The following RALYL variants were observed in gnomAD, a reference collection of about 807,000 sequenced individuals.
The protein encoded by RALYL is RNA-binding Raly-like protein.
In RALYL, 29 loss-of-function variants were observed where a neutral mutation model predicts 35.1. The observed-to-expected ratio is 0.83, with a 90% CI of 0.61 to 1.13. RALYL has a LOEUF of 1.13. Among genes scored for constraint, RALYL ranks in the 50% most tolerant of loss-of-function variants. RALYL has a pLI of 0.00. For missense variants in RALYL, 359 were observed against 360.4 expected, an observed-to-expected ratio of 1.00 and a Z score of 0.03; for synonymous variants, 120 against 127.6, an observed-to-expected ratio of 0.94 and a Z score of 0.40.
intron 1 of RALYL, among the ~76,000 whole-genome samples, chr8:84,349,973 A>G (rs952037074): frequency 1.5e-4 from 23 of 150,240 alleles, no homozygotes; most frequent in Admixed American, 1.4e-3. Context: ...AAATATAAAC[A>G]ACTTCTTCCC....
chr8:84,456,609 C>G, intron 1 of RALYL, among the ~76,000 whole-genome samples: 1 of 152,006 alleles, frequency 6.6e-6, no homozygotes. Context: ...TAACCTCTCT[C>G]TAGTCATTAA....
intron 1 of RALYL, among the ~76,000 whole-genome samples, chr8:84,256,349 C>T (rs1415319935): frequency 9.5e-6 from 1 of 104,954 alleles, no homozygotes; most frequent in Non-Finnish European, 1.8e-5. Flanking sequence ...CTAGCAGAAA[C>T]CTGTATTTTG....
At chr8:84,341,019 A>T (rs1285241221) in intron 1 of RALYL, among the ~76,000 whole-genome samples, 3 of 151,912 alleles carry the variant, frequency 2.0e-5, no homozygotes, top group African/African-American at 7.2e-5. Context: ...CAGGTGTGAG[A>T]TGATATCTCA....
intron 2 of RALYL, among the ~76,000 whole-genome samples, chr8:84,613,551 G>C (rs1010412300): frequency 2.0e-5 from 3 of 151,408 alleles, no homozygotes; most frequent in Non-Finnish European, 4.4e-5. Flanking sequence ...CCCCATTTTA[G>C]ATGAGAAAAT....
intron 1 of RALYL, among the ~76,000 whole-genome samples, chr8:84,436,240 C>T (rs2047699607): frequency 6.6e-6 from 1 of 152,054 alleles, no homozygotes; most frequent in Non-Finnish European, 1.5e-5. Flanking sequence ...AGGCTCAGAA[C>T]TCCAGAATGC....
intron 1 of RALYL, among the ~76,000 whole-genome samples, chr8:84,463,475 T>A (rs1457701615): frequency 6.6e-6 from 1 of 152,066 alleles, no homozygotes; most frequent in Non-Finnish European, 1.5e-5. Flanking sequence ...AGTGGGGGAC[T>A]AATTTTAATT....
intron 1 of RALYL, among the ~76,000 whole-genome samples, chr8:84,474,816 A>G (rs919648879): frequency 6.6e-6 from 1 of 152,156 alleles, no homozygotes; most frequent in African/African-American, 2.4e-5. Context: ...TCTGATGTCT[A>G]TTTCTTCGAA....
At chr8:84,571,850 C>T (rs534786151) in intron 2 of RALYL, among the ~76,000 whole-genome samples, 3 of 151,596 alleles carry the variant, frequency 2.0e-5, no homozygotes, top group Non-Finnish European at 3.0e-5. Context: ...CTGATATCTG[C>T]CTTAATTTCT....
At chr8:84,672,094 C>T (rs183627823) in intron 2 of RALYL, among the ~76,000 whole-genome samples, 196 of 152,294 alleles carry the variant, frequency 1.3e-3, no homozygotes, top group African/African-American at 4.0e-3. Context: ...TACTTTTCTG[C>T]GTAGAAATTT....
At chr8:84,730,378 T>C (rs530910451) in intron 2 of RALYL, among the ~76,000 whole-genome samples, 3 of 152,270 alleles carry the variant, frequency 2.0e-5, no homozygotes, top group South Asian at 2.1e-4. Context: ...ATTGATGGGA[T>C]GTATCTCAAA....
intron 1 of RALYL, among the ~76,000 whole-genome samples, chr8:84,335,075 A>C (rs879631275): frequency 6.6e-6 from 1 of 151,934 alleles, no homozygotes; most frequent in Admixed American, 6.6e-5. Flanking sequence ...CAGAGGGGAG[A>C]GGCAGGAGGG....
At chr8:84,867,300 C>T (rs1024774378) in intron 6 of RALYL, among the ~76,000 whole-genome samples, 2 of 152,138 alleles carry the variant, frequency 1.3e-5, no homozygotes, top group Non-Finnish European at 2.9e-5. Context: ...TTACACTTTT[C>T]TGCTTCATGT....
At chr8:84,370,741 C>T (rs1463259897) in intron 1 of RALYL, among the ~76,000 whole-genome samples, 1 of 151,730 alleles carries the variant, frequency 6.6e-6, no homozygotes, top group Non-Finnish European at 1.5e-5. Context: ...ATTTTCAGGT[C>T]GTATAAATGT....
chr8:84,703,398 T>C (rs996689133), intron 2 of RALYL, among the ~76,000 whole-genome samples: 1 of 152,112 alleles, frequency 6.6e-6, no homozygotes, highest in Non-Finnish European at 1.5e-5. Context: ...GGGCCAAACA[T>C]TGACGAGTAC....
chr8:84,546,981 T>G (rs2060401274), intron 2 of RALYL, among the ~76,000 whole-genome samples: 2 of 152,142 alleles, frequency 1.3e-5, no homozygotes, highest in South Asian at 4.1e-4. Context: ...TTACCTTAAG[T>G]TCTGGGATAC....
At chr8:84,412,847 A>G (rs762862083) in intron 1 of RALYL, among the ~76,000 whole-genome samples, 6 of 151,902 alleles carry the variant, frequency 3.9e-5, no homozygotes, top group Non-Finnish European at 8.8e-5. Context: ...CATATAGTTT[A>G]AAGTGAAAAC....
intron 1 of RALYL, among the ~76,000 whole-genome samples, chr8:84,438,682 G>A (rs993911972): frequency 4.0e-5 from 6 of 151,876 alleles, no homozygotes; most frequent in South Asian, 4.2e-4. Flanking sequence ...ATGAGACACC[G>A]TACCCAGCCC....
intron 1 of RALYL, among the ~76,000 whole-genome samples, chr8:84,468,549 C>T (rs540192477): frequency 1.5e-4 from 23 of 148,606 alleles, no homozygotes; most frequent in East Asian, 8.0e-4. Flanking sequence ...GAGGGTAACC[C>T]GACCTTTCTC....
intron 1 of RALYL, among the ~76,000 whole-genome samples, chr8:84,432,904 A>G (rs1171331415): frequency 2.0e-5 from 3 of 152,112 alleles, no homozygotes; most frequent in African/African-American, 7.2e-5. Context: ...TATCCTCCAG[A>G]ACTGTGAAAC....
Sources: allele counts gnomAD v4.1 joint callset (sites outside exome capture counted in the v4.1 genomes callset), GRCh38; gene constraint gnomAD v4.1.1; transcripts MANE v1.5; gene names NCBI Gene and HGNC (gene_info 2026-07-23, HGNC 2026-07-21).